FNDC5: variants seen among roughly 807,000 people sequenced by gnomAD.
FNDC5 encodes fibronectin type III domain-containing protein 5.
In FNDC5, 10 loss-of-function variants were observed where a neutral mutation model predicts 24.6. The ratio of observed to expected loss-of-function variants is 0.41; its 90% CI spans 0.25 to 0.69. The LOEUF (loss-of-function observed/expected upper bound fraction) is 0.69, where lower values mean the gene tolerates loss of function less well. Ranked by LOEUF, FNDC5 falls within the 30% of genes least tolerant of loss-of-function variation. FNDC5 has a pLI of 0.34. For synonymous variants in FNDC5, 90 were observed against 110.7 expected (o/e 0.81, Z 1.18); for missense variants, 226 against 282.9 (o/e 0.80, Z 1.44).
Position 32,868,508 on chromosome 1 carries a change from T to C in FNDC5, c.211-120A>G. The C allele has an allele frequency of 9.0e-7, 1 of 1,113,682 alleles. No homozygotes were observed. Among genetic ancestry groups the C allele is most frequent in the African/African-American group, 1.6e-5 (1 of 64,070 alleles). 69.0% of individuals were successfully genotyped at this position (1,113,682 alleles called of 1,614,324 possible). ...CTTCATCATTCCATCACCTCCGCTATCAATATCTCCATTTTACAGGGAAGG... is the reference window on the plus strand; with the variant it reads ...CTTCATCATTCCATCACCTCCGCTACCAATATCTCCATTTTACAGGGAAGG... On this transcript the variant is annotated intron_variant, in intron 2 of 5. Coordinates refer to ENST00000373471, the MANE Select transcript of FNDC5 (RefSeq NM_153756.3). The surrounding 1 kb of genome is among the most constrained non-coding windows in gnomAD (Gnocchi z 4.8).
chr1:32,864,037 C>A lies in FNDC5; in HGVS notation c.*257G>T. 1 of 1,390,690 alleles carries A rather than the reference C, an allele frequency of 7.2e-7. No homozygotes were observed. The highest frequency in any genetic ancestry group is 9.4e-7 in the Non-Finnish European group (1 of 1,067,456). The allele number at this position is 1,390,690 out of a possible 1,614,324, so 86.1% of individuals were successfully genotyped here. A position where few individuals can be genotyped will look rare whatever the true frequency, so the allele number is the denominator to read the frequency against. ...CCCATGGCCCCTGGCACCCAGTCTA[C>A]CCCCAGCAGTCATCCCTCTGAGTGC... On this transcript the variant is annotated 3_prime_UTR_variant, in exon 6 of 6. Transcript: ENST00000373471.
At chr1:32,869,927 C>A (rs1290451553) in intron 1 of FNDC5, among the ~76,000 whole-genome samples, 2 of 151,760 alleles carry the variant, frequency 1.3e-5, no homozygotes, top group Non-Finnish European at 2.9e-5. Flanking sequence ...CTGAGGGAGA[C>A]AGAGCCAGAC....
chr1:32,869,745 G>A (rs1029960070), intron 1 of FNDC5, among the ~76,000 whole-genome samples: 7 of 152,068 alleles, frequency 4.6e-5, no homozygotes, highest in African/African-American at 1.7e-4. Context: ...GGGTGAGAGT[G>A]ATAGGGATAG....
intron 4 of FNDC5, among the ~76,000 whole-genome samples, chr1:32,866,706 TGAAAAA>T (rs1246677901): frequency 6.6e-6 from 1 of 151,550 alleles, no homozygotes; most frequent in East Asian, 1.9e-4. Context: ...CCCAAGAAAA[TGAAAAA>T]GAAAAAAGAA....
At chr1:32,866,088 AT>A (rs1199888759) in intron 4 of FNDC5, among the ~76,000 whole-genome samples, 3 of 152,232 alleles carry the variant, frequency 2.0e-5, no homozygotes, top group African/African-American at 4.8e-5. Context: ...ACTTCCAAAC[AT>A]GGTAGATAAA....
In FNDC5 at chr1:32,868,327, G is replaced by T; in HGVS notation, c.272C>A (p.Ala91Asp). Residue 91 changes from alanine to aspartate, a missense_variant, in exon 3 of 6, where the codon GCC (alanine) becomes GAC (aspartate). By Grantham distance (126) the Ala-to-Asp change is moderately radical. Transcript: ENST00000373471. This position sits in a 1 kb window ranked among gnomAD's most constrained non-coding sequence, Gnocchi z 4.8. ...CGTATCCTCCTCCAGGTCCCAGAGG[G>T]CACATGAGCGGGTGGTGGTGTTCAC... 1 of 1,614,180 alleles carries T rather than the reference G, an allele frequency of 6.2e-7. No homozygotes were observed. Among genetic ancestry groups the T allele is most frequent in the Non-Finnish European group, 8.5e-7 (1 of 1,180,026 alleles).
chr1:32,866,588 CCT>C (rs1407765051), intron 4 of FNDC5, among the ~76,000 whole-genome samples: 1 of 152,096 alleles, frequency 6.6e-6, no homozygotes, highest in African/African-American at 2.4e-5. Flanking sequence ...CATGTTATCT[CCT>C]CTCTGTGTTT....
At chr1:32,864,581 C>T (rs535065879) in intron 5 of FNDC5, 83 bp downstream of exon 5, 1 of 1,596,804 alleles carries the variant, frequency 6.3e-7, no homozygotes, top group African/African-American at 1.3e-5. Flanking sequence ...ATGCCAGTCC[C>T]CGAGCTGACC....
intron 4 of FNDC5, 55 bp from the exon 5 acceptor site, chr1:32,864,852 T>C (rs1402830437): frequency 4.4e-6 from 7 of 1,602,920 alleles, no homozygotes; most frequent in Non-Finnish European, 6.0e-6. Flanking sequence ...CTGCCTCCCC[T>C]GCTTCTTTCC....
intron 1 of FNDC5, among the ~76,000 whole-genome samples, chr1:32,870,127 CGGGCCGGCCCCATG>C: frequency 6.6e-6 from 1 of 152,172 alleles, no homozygotes; most frequent in East Asian, 1.9e-4. Context: ...TGGGCAAGGA[CGGGCCGGCCCCATG>C]GGGCAGGCCA....
intron 4 of FNDC5, 37 bp from the exon 5 acceptor site, chr1:32,864,834 C>T: frequency 6.2e-7 from 1 of 1,610,176 alleles, no homozygotes; most frequent in Non-Finnish European, 8.5e-7. Context: ...AGGCCAGAGC[C>T]TGGGTTCCTG....
Position 32,868,152 on chromosome 1 carries a change from A to T in FNDC5, c.409+38T>A, listed in dbSNP as rs759471585. Reference sequence around the variant, plus strand: ...ACTGGTCTGGTCCTGACCACCCCTCACCCCACCCCATTCCTCTTAACAGTG... The same window carrying T: ...ACTGGTCTGGTCCTGACCACCCCTCTCCCCACCCCATTCCTCTTAACAGTG... On this transcript the variant is annotated intron_variant, in intron 3 of 5. Coordinates refer to ENST00000373471, the MANE Select transcript of FNDC5 (RefSeq NM_153756.3). The surrounding 1 kb of genome is among the most constrained non-coding windows in gnomAD (Gnocchi z 4.8). The T allele has an allele frequency of 3.1e-6, 5 of 1,606,818 alleles. No homozygotes were observed. The highest frequency in any genetic ancestry group is 4.3e-6 in the Non-Finnish European group (5 of 1,175,772).
intron 1 of FNDC5, 142 bp downstream of exon 1, chr1:32,870,508 AGAC>A (rs2148711943): frequency 2.8e-6 from 1 of 357,532 alleles, no homozygotes; most frequent in East Asian, 5.1e-5. Context: ...GGAGGTAGGA[AGAC>A]GCTGGGGGCT....
Position 32,862,917 on chromosome 1 carries a change from G to A in FNDC5, c.*1377C>T, listed in dbSNP as rs988901905. On this transcript the variant is annotated 3_prime_UTR_variant, in exon 6 of 6. Coordinates refer to ENST00000373471, the MANE Select transcript of FNDC5 (RefSeq NM_153756.3). ...GAGATGGCAAGATATGAAGACCCCA[G>A]AGGCCAGTGGTGATAGCCAGAGCTG... 1.3e-5 allele frequency: 2 copies of A among 152,728 alleles called. No individual in the cohort carries two copies. Among genetic ancestry groups the A allele is most frequent in the African/African-American group, 4.8e-5 (2 of 41,440 alleles). The allele number at this position is 152,728 out of a possible 1,614,324, so 9.5% of individuals were successfully genotyped here.
In FNDC5 at chr1:32,863,924, G is replaced by T; in HGVS notation, c.*370C>A. 2 of 1,273,820 alleles carry T rather than the reference G, an allele frequency of 1.6e-6. No individual in the cohort carries two copies. The highest frequency in any genetic ancestry group is 2.0e-6 in the Non-Finnish European group (2 of 984,954). The allele number at this position is 1,273,820 out of a possible 1,614,324, so 78.9% of individuals were successfully genotyped here. ...TCTTGTCCCTTGTGGAAAGAAAAGA[G>T]AAGCCCTGCCTGGATGTCTTGTCTT... On this transcript the variant is annotated 3_prime_UTR_variant, in exon 6 of 6. Coordinates refer to ENST00000373471, the MANE Select transcript of FNDC5 (RefSeq NM_153756.3).
Position 32,868,665 on chromosome 1 carries a change from C to G in FNDC5, c.210+217G>C, listed in dbSNP as rs973339695. Among the ~76,000 whole-genome samples the G allele has an allele frequency of 6.6e-5, 10 of 152,042 alleles. No homozygotes were observed. Among genetic ancestry groups the G allele is most frequent in the Non-Finnish European group, 1.5e-4 (10 of 68,000 alleles). ...GTGTTCCACTTGAAAGTTCCCAAACCCTCCCTCACTGACTGATTCTCTTCT... is the reference window on the plus strand; with the variant it reads ...GTGTTCCACTTGAAAGTTCCCAAACGCTCCCTCACTGACTGATTCTCTTCT... On this transcript the variant is annotated intron_variant, in intron 2 of 5. Transcript: ENST00000373471. This position sits in a 1 kb window ranked among gnomAD's most constrained non-coding sequence, Gnocchi z 4.8.
At chr1:32,867,237 A>G (rs1641088145) in intron 4 of FNDC5, among the ~76,000 whole-genome samples, 1 of 152,178 alleles carries the variant, frequency 6.6e-6, no homozygotes, top group African/African-American at 2.4e-5. Context: ...AGTGAACAGT[A>G]TGCGGTGGGG....
intron 1 of FNDC5, among the ~76,000 whole-genome samples, chr1:32,870,121 C>T (rs77391460): frequency 0.018 from 2,716 of 151,880 alleles, 86 homozygotes; most frequent in African/African-American, 0.062. Context: ...AGAGGCTGGG[C>T]AAGGACGGGC....
chr1:32,870,630 C>T (rs1641163676), intron 1 of FNDC5, 23 bp downstream of exon 1: 12 of 1,193,928 alleles, frequency 1.0e-5, no homozygotes, highest in Non-Finnish European at 1.2e-5. Flanking sequence ...CCGGCGCCGG[C>T]CCCCCGCCCC....
Sources: gnomAD v4.1 joint callset for allele counts (sites outside exome capture counted in the v4.1 genomes callset) on GRCh38, gnomAD v4.1.1 for gene constraint, Gnocchi (gnomAD v3.1) non-coding constraint, MANE v1.5 for transcripts, NCBI Gene and HGNC (gene_info 2026-07-23, HGNC 2026-07-21) for gene names.